EFNA5: variants seen among roughly 807,000 people sequenced by gnomAD.
EFNA5 encodes ephrin-A5.
Under a neutral mutation model 22.9 loss-of-function variants are expected in EFNA5, and 5 were observed. The ratio of observed to expected loss-of-function variants is 0.22; its 90% CI spans 0.11 to 0.46. The LOEUF (loss-of-function observed/expected upper bound fraction) is 0.46, where lower values mean the gene tolerates loss of function less well. Ranked by LOEUF, EFNA5 falls within the 20% of genes least tolerant of loss-of-function variation. The probability of loss-of-function intolerance (pLI) is 0.99; values close to 1 mark genes in which losing one functional copy is unlikely to be tolerated. For synonymous variants in EFNA5, 113 were observed against 112.2 expected (o/e 1.01, Z -0.04); for missense variants, 237 against 293.3 (o/e 0.81, Z 1.40).
intron 1 of EFNA5, among the ~76,000 whole-genome samples, chr5:107,641,156 G>A (rs1750501005): frequency 2.6e-5 from 4 of 152,032 alleles, no homozygotes; most frequent in African/African-American, 7.2e-5. Context: ...TCAGGAGTTC[G>A]AGACCAGCCT....
intron 2 of EFNA5, among the ~76,000 whole-genome samples, chr5:107,420,574 A>T (rs564779757): frequency 1.1e-5 from 1 of 94,304 alleles, no homozygotes; most frequent in East Asian, 4.1e-4. Context: ...ACACGCAAAC[A>T]ACAACAACCA....
intron 1 of EFNA5, among the ~76,000 whole-genome samples, chr5:107,482,855 T>G (rs1750517625): frequency 1.2e-5 from 1 of 80,010 alleles, no homozygotes; most frequent in Admixed American, 1.2e-4. Context: ...TCTCTCTCTC[T>G]CTCTCTCTCT....
intron 1 of EFNA5, among the ~76,000 whole-genome samples, chr5:107,554,923 G>A (rs1385222801): frequency 6.6e-6 from 1 of 152,212 alleles, no homozygotes; most frequent in African/African-American, 2.4e-5. Context: ...GCTTCTGCCA[G>A]CTGGGAGGGA....
At chr5:107,404,973 A>G (rs918943473) in intron 2 of EFNA5, among the ~76,000 whole-genome samples, 1 of 152,180 alleles carries the variant, frequency 6.6e-6, no homozygotes. Context: ...ATATTACTGT[A>G]ACTGTCGTAC....
At chr5:107,660,261 C>CATATATATATATAAATATAT (rs1163908363) in intron 1 of EFNA5, among the ~76,000 whole-genome samples, 2 of 52,452 alleles carry the variant, frequency 3.8e-5, no homozygotes, top group Non-Finnish European at 7.8e-5. Flanking sequence ...ATGGCAAAAA[C>CATATATATATATAAATATAT]ATATATATAT....
Position 107,409,542 on chromosome 5 carries a change from T to C in EFNA5, c.418+17675A>G, listed in dbSNP as rs77907199. On this transcript the variant is annotated intron_variant, in intron 2 of 4. Coordinates refer to ENST00000333274, the MANE Select transcript of EFNA5 (RefSeq NM_001962.3). ...GGATTCTCAATGTTCAGAACCAACT[T>C]GGAAGGCATATGTATTAGTGAGTGC... is the stretch of plus-strand genomic sequence containing the variant. 6.2e-3 allele frequency among the ~76,000 whole-genome samples: 938 copies of C among 152,312 alleles called. 10 individuals carry two copies. The highest frequency in any genetic ancestry group is 0.022 in the African/African-American group (911 of 41,568).
chr5:107,632,581 CATCTTT>C (rs1750278975), intron 1 of EFNA5, among the ~76,000 whole-genome samples: 1 of 152,138 alleles, frequency 6.6e-6, no homozygotes, highest in African/African-American at 2.4e-5. Flanking sequence ...TTCTTCTCTT[CATCTTT>C]ATTATTCTAG....
At chr5:107,405,719 T>C (rs1187788035) in intron 2 of EFNA5, among the ~76,000 whole-genome samples, 1 of 152,020 alleles carries the variant, frequency 6.6e-6, no homozygotes, top group Non-Finnish European at 1.5e-5. Context: ...GTTACTTCTG[T>C]GTTCTAAACT....
intron 1 of EFNA5, among the ~76,000 whole-genome samples, chr5:107,605,627 T>C (rs985694533): frequency 1.3e-5 from 2 of 151,648 alleles, no homozygotes; most frequent in Non-Finnish European, 2.9e-5. Flanking sequence ...ATATGGTTCA[T>C]TGCCAGCACC....
intron 1 of EFNA5, among the ~76,000 whole-genome samples, chr5:107,508,229 T>C (rs187394911): frequency 6.6e-5 from 10 of 152,326 alleles, no homozygotes; most frequent in Admixed American, 1.3e-4. Flanking sequence ...GAAGTGCAGA[T>C]GGATGGCTTC....
chr5:107,521,524 T>C (rs76519335), intron 1 of EFNA5, among the ~76,000 whole-genome samples: 2,381 of 149,022 alleles, frequency 0.016, 30 homozygotes, highest in Non-Finnish European at 0.026. Flanking sequence ...TTGCCCAGGC[T>C]GGTCTTAAAC....
At chr5:107,583,830 T>A (rs1396335967) in intron 1 of EFNA5, among the ~76,000 whole-genome samples, 1 of 152,166 alleles carries the variant, frequency 6.6e-6, no homozygotes. Flanking sequence ...ACAGACAAAC[T>A]GAATATTTTC....
chr5:107,591,951 A>C (rs10051597), intron 1 of EFNA5, among the ~76,000 whole-genome samples: 1 of 12,392 alleles, frequency 8.1e-5, no homozygotes, highest in Non-Finnish European at 1.1e-4. Flanking sequence ...TATTATATAT[A>C]ATATATAATA....
At chr5:107,463,354 A>G (rs1035729567) in intron 1 of EFNA5, among the ~76,000 whole-genome samples, 1 of 152,086 alleles carries the variant, frequency 6.6e-6, no homozygotes, top group African/African-American at 2.4e-5. Context: ...AATAAAGTTC[A>G]CTTTCATCAG....
chr5:107,451,448 AT>A (rs1231920073), intron 1 of EFNA5, among the ~76,000 whole-genome samples: 1 of 152,246 alleles, frequency 6.6e-6, no homozygotes, highest in Non-Finnish European at 1.5e-5. Context: ...CTCAATCAGT[AT>A]TTCTAAATTT....
chr5:107,537,228 T>C (rs1747948325), intron 1 of EFNA5, among the ~76,000 whole-genome samples: 1 of 151,852 alleles, frequency 6.6e-6, no homozygotes, highest in Non-Finnish European at 1.5e-5. Flanking sequence ...GTGTGGTGGC[T>C]CATACCTGTA....
intron 1 of EFNA5, among the ~76,000 whole-genome samples, chr5:107,598,522 CAAAA>C (rs1190859575): frequency 2.0e-5 from 3 of 152,062 alleles, no homozygotes; most frequent in African/African-American, 7.2e-5. Flanking sequence ...AAATAAGAAA[CAAAA>C]GAAAGACTGG....
rs1051811075 is a variant in EFNA5 at position 107,401,607 on chromosome 5, G to A, written c.419-13836C>T. Among the ~76,000 whole-genome samples, 5 of 152,316 alleles carry A rather than the reference G, an allele frequency of 3.3e-5. No individual in the cohort carries two copies. In the East Asian group the frequency reaches 7.7e-4, roughly 23 times the overall value. ...TTACAAATCTTCTGTGGTTGCAGGA[G>A]GGGGAGGTAAAACACATACATTTTG... On this transcript the variant is annotated intron_variant, in intron 2 of 4. Coordinates refer to ENST00000333274, the MANE Select transcript of EFNA5 (RefSeq NM_001962.3).
intron 1 of EFNA5, among the ~76,000 whole-genome samples, chr5:107,613,447 A>C (rs1749860718): frequency 6.6e-6 from 1 of 152,034 alleles, no homozygotes; most frequent in African/African-American, 2.4e-5. Flanking sequence ...AAACACCAAA[A>C]CCCCGTTAAA....
Sources: gnomAD v4.1 joint callset for allele counts (sites outside exome capture counted in the v4.1 genomes callset) on GRCh38, gnomAD v4.1.1 for gene constraint, MANE v1.5 for transcripts, NCBI Gene and HGNC (gene_info 2026-07-23, HGNC 2026-07-21) for gene names.